The following VSIR variants were observed in gnomAD, a reference collection of about 807,000 sequenced individuals.
The protein encoded by VSIR is V-set immunoregulatory receptor.
VSIR carries 10 observed loss-of-function variants against 31.0 expected under a neutral mutation model. The observed-to-expected ratio is 0.32, with a 90% CI of 0.20 to 0.55. The LOEUF is 0.55. Ranked by LOEUF, VSIR falls within the 20% of genes least tolerant of loss-of-function variation. The pLI, the probability that VSIR is intolerant of heterozygous loss-of-function variation, is 0.93. For synonymous variants in VSIR, 179 were observed against 180.1 expected (o/e 0.99, Z 0.05); for missense variants, 356 against 416.2 (o/e 0.86, Z 1.26).
rs530132106 is a variant in VSIR, at chr10:71,761,386, G to C, written c.511+212C>G. On this transcript the variant is annotated intron_variant, in intron 2 of 6. Transcript: ENST00000394957. Reference sequence around the variant, plus strand: ...AAAAAGTCTCACTGTCACAAATGGAGCCAGGTACACCCTCCCTCTCCATCA... The same window carrying C: ...AAAAAGTCTCACTGTCACAAATGGACCCAGGTACACCCTCCCTCTCCATCA... Among the ~76,000 whole-genome samples the C allele has an allele frequency of 5.3e-5, 8 of 152,182 alleles. No individual in the cohort carries two copies. The South Asian group carries it at 1.7e-3, about 32-fold the overall frequency.
chr10:71,754,484 A>T (rs146036932), intron 4 of VSIR, among the ~76,000 whole-genome samples: 2 of 152,294 alleles, frequency 1.3e-5, no homozygotes, highest in East Asian at 3.9e-4. Context: ...GAGGGGAGGC[A>T]AGGGTAAAAA....
At chr10:71,755,271 G>A (rs1435257128) in intron 4 of VSIR, 88 bp downstream of exon 4, 18 of 1,157,840 alleles carry the variant, frequency 1.6e-5, no homozygotes, top group Middle Eastern at 4.1e-4. Flanking sequence ...TGCCTGCATC[G>A]TGCCTTTGCG....
intron 3 of VSIR, among the ~76,000 whole-genome samples, chr10:71,758,105 G>C (rs1230507504): frequency 6.6e-6 from 1 of 152,156 alleles, no homozygotes; most frequent in African/African-American, 2.4e-5. Context: ...GAGCCAAGGC[G>C]GGTAGATCAC....
intron 3 of VSIR, 156 bp downstream of exon 3, chr10:71,760,712 G>T (rs1180931230): frequency 1.0e-5 from 7 of 695,246 alleles, no homozygotes; most frequent in Non-Finnish European, 1.8e-5. Flanking sequence ...GCACCAAGGA[G>T]GAAGCAGAAG....
In VSIR at chr10:71,759,818, TATACACAC is replaced by T. The variant is rs1168691088; in HGVS notation, c.568+1042_568+1049del. Among the ~76,000 whole-genome samples the T allele has an allele frequency of 2.6e-3, 131 of 50,830 alleles. 8 individuals carry two copies. Among genetic ancestry groups the T allele is most frequent in the Middle Eastern group, 0.018 (2 of 112 alleles). The allele number at this position is 50,830 out of a possible 152,430, so 33.3% of individuals were successfully genotyped here. ...CAGAGTGAAACCGTGTTTCAGAAAA[TATACACAC>T]ACACACACACACACACACACATATA... is the stretch of plus-strand genomic sequence containing the variant. On this transcript the variant is annotated intron_variant, in intron 3 of 6. Coordinates refer to ENST00000394957, the MANE Select transcript of VSIR (RefSeq NM_022153.2).
intron 1 of VSIR, among the ~76,000 whole-genome samples, chr10:71,766,406 G>A (rs1437008026): frequency 6.6e-6 from 1 of 152,166 alleles, no homozygotes; most frequent in Admixed American, 6.5e-5. Context: ...GGGCCACCTA[G>A]AGGAAGAGTG....
chr10:71,755,934 T>C (rs1032463988), intron 3 of VSIR, among the ~76,000 whole-genome samples: 2 of 152,174 alleles, frequency 1.3e-5, no homozygotes, highest in Non-Finnish European at 2.9e-5. Context: ...CACCAAACTG[T>C]AGGCTTAAAA....
intron 5 of VSIR, among the ~76,000 whole-genome samples, chr10:71,752,543 C>T (rs1160435592): frequency 1.3e-5 from 2 of 152,214 alleles, no homozygotes; most frequent in Admixed American, 1.3e-4. Context: ...GCCCACTGCA[C>T]CACTCTGGGA....
chr10:71,760,183 A>ATATATATGTATATACATATATATGTGTG (rs1840320777), intron 3 of VSIR, among the ~76,000 whole-genome samples: 2 of 53,982 alleles, frequency 3.7e-5, no homozygotes, highest in Admixed American at 1.8e-4. Flanking sequence ...ATATGTGTGT[A>ATATATATGTATATACATATATATGTGTG]TATATATGTA....
In VSIR at chr10:71,751,577, C is replaced by T. The variant is rs1840003457; in HGVS notation, c.898+91G>A. ...CACCCCGTGAGGCCGTGGAACTCTTCAGGGAGGGCAGGGAGTGAGGCCGAT... is the reference window on the plus strand; with the variant it reads ...CACCCCGTGAGGCCGTGGAACTCTTTAGGGAGGGCAGGGAGTGAGGCCGAT... On this transcript the variant is annotated intron_variant, in intron 6 of 6. Coordinates refer to ENST00000394957, the MANE Select transcript of VSIR (RefSeq NM_022153.2). The surrounding 1 kb of genome is among the most constrained non-coding windows in gnomAD (Gnocchi z 4.9). 1 of 1,430,006 alleles carries T rather than the reference C, an allele frequency of 7.0e-7. No homozygotes were observed. The highest frequency in any genetic ancestry group is 9.4e-7 in the Non-Finnish European group (1 of 1,068,088). 88.6% of individuals were successfully genotyped at this position (1,430,006 alleles called of 1,614,324 possible). A position where few individuals can be genotyped will look rare whatever the true frequency, so the allele number is the denominator to read the frequency against.
Position 71,750,086 on chromosome 10 carries a change from TA to T in VSIR, c.*1166del, listed in dbSNP as rs929262184. On this transcript the variant is annotated 3_prime_UTR_variant, in exon 7 of 7. Coordinates refer to ENST00000394957, the MANE Select transcript of VSIR (RefSeq NM_022153.2). ...TGCCCCCTACTCTCCTCCCCTGCTT[TA>T]AAATCCTTCAATCACAATTCCACAG... 1 of 152,218 alleles carries T rather than the reference TA, an allele frequency of 6.6e-6. No homozygotes were observed. The highest frequency in any genetic ancestry group is 2.4e-5 in the African/African-American group (1 of 41,386). The allele number at this position is 152,218 out of a possible 1,614,324, so 9.4% of individuals were successfully genotyped here. A position where few individuals can be genotyped will look rare whatever the true frequency, so the allele number is the denominator to read the frequency against.
rs536535471 is a variant in VSIR, at chr10:71,749,071, C to T, written c.*2182G>A. On this transcript the variant is annotated 3_prime_UTR_variant, in exon 7 of 7. Transcript: ENST00000394957. ...CCCTCTCCACACAGCAGCAGCCAGG[C>T]CTGGGGTCTGGCAGCCAAATTCTTA... 3 of 152,374 alleles carry T rather than the reference C, an allele frequency of 2.0e-5. No individual in the cohort carries two copies. Among genetic ancestry groups the T allele is most frequent in the Non-Finnish European group, 4.4e-5 (3 of 68,140 alleles). The allele number at this position is 152,374 out of a possible 1,614,324, so 9.4% of individuals were successfully genotyped here.
chr10:71,752,124 G>A (rs896928085), intron 5 of VSIR: 8 of 630,816 alleles, frequency 1.3e-5, no homozygotes, highest in African/African-American at 3.6e-5. Flanking sequence ...CATCAACCCC[G>A]GGCACAGCCA....
Position 71,770,723 on chromosome 10 carries a change from C to T in VSIR, c.82+2635G>A, listed in dbSNP as rs187091756. On this transcript the variant is annotated intron_variant, in intron 1 of 6. Transcript: ENST00000394957. ...CACTGTGTGCGGATAGGGAGGTGAC[C>T]CCTTTAGCGTCTCAGCAGCACACTC... Among the ~76,000 whole-genome samples the T allele has an allele frequency of 2.9e-3, 434 of 152,264 alleles. 1 individual carries two copies. The highest frequency in any genetic ancestry group is 4.6e-3 in the Non-Finnish European group (311 of 68,014).
chr10:71,753,697 C>A, intron 4 of VSIR: 1 of 451,676 alleles, frequency 2.2e-6, no homozygotes. Context: ...TTCCCTCTTT[C>A]ATGCAGCACC....
chr10:71,767,633 G>T (rs1840584327), intron 1 of VSIR, among the ~76,000 whole-genome samples: 1 of 152,230 alleles, frequency 6.6e-6, no homozygotes, highest in African/African-American at 2.4e-5. Flanking sequence ...ACAGAGGCAT[G>T]GATCAATCAG....
chr10:71,762,476 G>A (rs949831552), intron 1 of VSIR, among the ~76,000 whole-genome samples: 6 of 152,260 alleles, frequency 3.9e-5, no homozygotes, highest in South Asian at 2.1e-4. Flanking sequence ...TTGCCAGGGA[G>A]CACTAAGAGA....
intron 4 of VSIR, among the ~76,000 whole-genome samples, chr10:71,754,668 T>C (rs755607784): frequency 1.3e-5 from 2 of 152,200 alleles, no homozygotes; most frequent in Non-Finnish European, 1.5e-5. Context: ...GGCAAGTTAC[T>C]TAACCCCTCT....
Position 71,749,952 on chromosome 10 carries a change from C to T in VSIR, c.*1301G>A, listed in dbSNP as rs1487866454. On this transcript the variant is annotated 3_prime_UTR_variant, in exon 7 of 7. Coordinates refer to ENST00000394957, the MANE Select transcript of VSIR (RefSeq NM_022153.2). ...GGCTGGACTATGCTCTCCACAGTACCTGGGGCCCCCATCCTGCTAAACGCT... is the reference window on the plus strand; with the variant it reads ...GGCTGGACTATGCTCTCCACAGTACTTGGGGCCCCCATCCTGCTAAACGCT... The T allele has an allele frequency of 6.6e-6, 1 of 152,348 alleles. No homozygotes were observed. The highest frequency in any genetic ancestry group is 1.5e-5 in the Non-Finnish European group (1 of 68,136). The allele number at this position is 152,348 out of a possible 1,614,324, so 9.4% of individuals were successfully genotyped here.
Sources: allele counts gnomAD v4.1 joint callset (sites outside exome capture counted in the v4.1 genomes callset), GRCh38; gene constraint gnomAD v4.1.1; non-coding constraint Gnocchi (gnomAD v3.1); transcripts MANE v1.5; gene names NCBI Gene and HGNC (gene_info 2026-07-23, HGNC 2026-07-21).